Variants in DAB1 observed in about 807,000 individuals in gnomAD.
DAB1 encodes disabled homolog 1.
A neutral mutation model predicts 64.6 loss-of-function variants in DAB1; 15 were observed. The ratio of observed to expected loss-of-function variants is 0.23; its 90% CI spans 0.16 to 0.36. The LOEUF is 0.36. Among genes scored for constraint, DAB1 ranks in the 10% least tolerant of loss-of-function variants. The pLI, the probability that DAB1 is intolerant of heterozygous loss-of-function variation, is 1.00. For synonymous variants in DAB1, 235 were observed against 251.9 expected, an observed-to-expected ratio of 0.93 and a Z score of 0.64; for missense variants, 596 against 706.7, an observed-to-expected ratio of 0.84 and a Z score of 1.78.
chr1:58,021,814 G>A (rs899498836), intron 5 of DAB1, among the ~76,000 whole-genome samples: 4 of 152,192 alleles, frequency 2.6e-5, no homozygotes, highest in Non-Finnish European at 5.9e-5. Context: ...GGGCAACCGG[G>A]AATGATCTGG....
intron 7 of DAB1, among the ~76,000 whole-genome samples, chr1:57,552,403 G>T (rs1644924362): frequency 6.6e-6 from 1 of 152,122 alleles, no homozygotes; most frequent in Non-Finnish European, 1.5e-5. Context: ...AGAAGAGAAA[G>T]AATTATAATT....
In DAB1 at chr1:58,198,099, A is replaced by G. The variant is rs193188717; in HGVS notation, n.310-47511T>C. Among the ~76,000 whole-genome samples the G allele has an allele frequency of 3.1e-3, 472 of 152,364 alleles. 1 individual carries two copies. Among genetic ancestry groups the G allele is most frequent in the African/African-American group, 1.0e-2 (414 of 41,594 alleles). ...CCACCATTTCACTGAATCCCTTATC[A>G]TTGCTGATAGAGTTCATCAAGAAGT... is the stretch of plus-strand genomic sequence containing the variant. On this transcript the variant is annotated intron_variant and non_coding_transcript_variant, in intron 4 of 20. Coordinates refer to the DAB1 transcript ENST00000485760.
At chr1:57,115,931 T>C (rs191740696) in intron 4 of DAB1, among the ~76,000 whole-genome samples, 6 of 152,264 alleles carry the variant, frequency 3.9e-5, no homozygotes, top group African/African-American at 1.2e-4. Flanking sequence ...CATCAGGCCA[T>C]GGGGAAAGTT....
chr1:58,132,066 G>A (rs574674218), intron 5 of DAB1, among the ~76,000 whole-genome samples: 16 of 152,190 alleles, frequency 1.1e-4, no homozygotes, highest in South Asian at 8.3e-4. Flanking sequence ...CCTCAATGCC[G>A]CCTTGCAGTT....
chr1:57,621,028 TGA>T (rs143893433), intron 7 of DAB1, among the ~76,000 whole-genome samples: 34 of 151,054 alleles, frequency 2.3e-4, no homozygotes, highest in African/African-American at 7.3e-4. Context: ...TGTGTGTGTG[TGA>T]GAGAGAGAGA....
chr1:58,294,433 A>T (rs529447803), intron 4 of DAB1, among the ~76,000 whole-genome samples: 13 of 152,186 alleles, frequency 8.5e-5, no homozygotes, highest in African/African-American at 3.1e-4. Context: ...AAATATTCAT[A>T]GACAATTAAT....
intron 7 of DAB1, among the ~76,000 whole-genome samples, chr1:57,634,012 C>G (rs1468208874): frequency 6.6e-6 from 1 of 152,224 alleles, no homozygotes; most frequent in African/African-American, 2.4e-5. Flanking sequence ...TTACAGTGTG[C>G]CATGGCTGGC....
intron 5 of DAB1, among the ~76,000 whole-genome samples, chr1:57,900,815 C>T (rs1253390251): frequency 6.6e-6 from 1 of 152,082 alleles, no homozygotes; most frequent in Admixed American, 6.5e-5. Flanking sequence ...CATCTCTATC[C>T]ATTTGTAATT....
At chr1:57,744,994 T>A (rs969535409) in intron 6 of DAB1, among the ~76,000 whole-genome samples, 1 of 152,214 alleles carries the variant, frequency 6.6e-6, no homozygotes, top group Non-Finnish European at 1.5e-5. Context: ...TCTTAAATGA[T>A]CCAATGTCTA....
rs17115863 is a variant in DAB1 at position 57,486,829 on chromosome 1, T to C, written n.625+162763A>G. On this transcript the variant is annotated intron_variant and non_coding_transcript_variant, in intron 7 of 20. Coordinates refer to the DAB1 transcript ENST00000485760. ...GAGGTGATAAATCTTCATGAGATAG[T>C]ATTGAACAAAAATATAAGGCAGGCC... 7.9e-3 allele frequency among the ~76,000 whole-genome samples: 1,195 copies of C among 151,836 alleles called. 49 individuals are homozygous for C. In the East Asian group the frequency reaches 0.14, roughly 18 times the overall value.
chr1:58,476,877 T>C (rs568815147), intron 3 of DAB1, among the ~76,000 whole-genome samples: 1 of 152,212 alleles, frequency 6.6e-6, no homozygotes, highest in African/African-American at 2.4e-5. Context: ...TGGCAGTACA[T>C]GGAGGAAGAG....
intron 2 of DAB1, among the ~76,000 whole-genome samples, chr1:57,160,033 T>G: frequency 6.6e-6 from 1 of 152,152 alleles, no homozygotes; most frequent in Non-Finnish European, 1.5e-5. Context: ...TCTGCAGCTT[T>G]ATTTTTACAC....
At chr1:57,561,807 A>G (rs1472290394) in intron 7 of DAB1, among the ~76,000 whole-genome samples, 1 of 152,234 alleles carries the variant, frequency 6.6e-6, no homozygotes, top group African/African-American at 2.4e-5. Flanking sequence ...CCAGCAGCAG[A>G]GACCAACACT....
intron 3 of DAB1, among the ~76,000 whole-genome samples, chr1:58,476,502 C>G (rs1260285154): frequency 6.6e-6 from 1 of 152,164 alleles, no homozygotes; most frequent in Non-Finnish European, 1.5e-5. Context: ...CTGGGTGATT[C>G]AGAGGCTGGG....
At chr1:57,398,531 C>A (rs563695914) in intron 1 of DAB1, among the ~76,000 whole-genome samples, 1 of 152,332 alleles carries the variant, frequency 6.6e-6, no homozygotes, top group Admixed American at 6.5e-5. Flanking sequence ...CCTTTGGGAA[C>A]TTTGCTGAGA....
At chr1:58,323,235 AT>A (rs1662734590) in intron 4 of DAB1, among the ~76,000 whole-genome samples, 1 of 16,226 alleles carries the variant, frequency 6.2e-5, no homozygotes, top group African/African-American at 2.2e-4. Flanking sequence ...AACTTAAAGT[AT>A]AATAATAATA....
intron 5 of DAB1, among the ~76,000 whole-genome samples, chr1:57,922,253 A>G (rs1644818705): frequency 6.6e-6 from 1 of 151,578 alleles, no homozygotes; most frequent in Non-Finnish European, 1.5e-5. Context: ...AGCAGCCAGT[A>G]CAGGCCTGCC....
chr1:57,249,957 C>T (rs1034086108), intron 2 of DAB1, among the ~76,000 whole-genome samples: 1 of 152,172 alleles, frequency 6.6e-6, no homozygotes, highest in African/African-American at 2.4e-5. Context: ...TAAATATACA[C>T]AGGTTTACCT....
intron 3 of DAB1, among the ~76,000 whole-genome samples, chr1:58,402,279 C>T (rs1044043768): frequency 5.3e-5 from 8 of 152,210 alleles, no homozygotes; most frequent in Admixed American, 5.2e-4. Flanking sequence ...CTCTTTCCTT[C>T]GGCCCAGCGA....
Sources: gnomAD v4.1 joint callset for allele counts (sites outside exome capture counted in the v4.1 genomes callset) on GRCh38, gnomAD v4.1.1 for gene constraint, MANE v1.5 for transcripts, NCBI Gene and HGNC (gene_info 2026-07-23, HGNC 2026-07-21) for gene names.